PPDPF: variants seen among roughly 807,000 people sequenced by gnomAD.
PPDPF encodes the protein pancreatic progenitor cell differentiation and proliferation factor, also known as exocrine differentiation and proliferation factor.
PPDPF carries 11 observed loss-of-function variants against 6.3 expected under a neutral mutation model. The ratio of observed to expected loss-of-function variants is 1.76; its 90% CI spans 1.11 to 2.91. PPDPF has a LOEUF of 2.91. Ranked by LOEUF, PPDPF falls within the 30% of genes most tolerant of loss-of-function variation. The probability of loss-of-function intolerance (pLI) is 0.00; values close to 1 mark genes in which losing one functional copy is unlikely to be tolerated. For missense variants in PPDPF, 202 were observed against 159.4 expected (o/e 1.27, Z -1.44); for synonymous variants, 86 against 64.5 (o/e 1.33, Z -1.60).
At chr20:63,521,154 CGAAGGCGG>C in intron 1 of PPDPF, 122 bp from the exon 2 acceptor site, 1 of 982,742 alleles carries the variant, frequency 1.0e-6, no homozygotes, top group Non-Finnish European at 1.4e-6. Flanking sequence ...CCCCGCGCGG[CGAAGGCGG>C]TGCCGGGAGC....
intron 1 of PPDPF, 123 bp downstream of exon 1, chr20:63,521,017 G>C: frequency 9.9e-6 from 7 of 703,714 alleles, no homozygotes; most frequent in Non-Finnish European, 1.3e-5. Flanking sequence ...TCCCCGGCGG[G>C]CTCCTCTCGG....
Position 63,521,731 on chromosome 20 carries a change from C to A in PPDPF, c.197C>A (p.Pro66Gln), listed in dbSNP as rs746864601. 2 of 1,613,374 alleles carry A rather than the reference C, an allele frequency of 1.2e-6. No homozygotes were observed. Among genetic ancestry groups the A allele is most frequent in the South Asian group, 2.2e-5 (2 of 91,084 alleles). ...ASFFFGKSTL[P>Q]FMATVLESAE... Reference sequence around the variant, plus strand: ...TTCTTTTTCGGGAAGTCCACCCTCCCGTTCATGGCCACGGTGTTGGAGTCC... The same window carrying A: ...TTCTTTTTCGGGAAGTCCACCCTCCAGTTCATGGCCACGGTGTTGGAGTCC... Residue 66 changes from proline (P) to glutamine (Q), a missense_variant, in exon 4 of 4, where the codon CCG becomes CAG. By Grantham distance (76) the Pro-to-Gln change is moderately conservative. Transcript: ENST00000370179.
intron 1 of PPDPF, 55 bp from the exon 2 acceptor site, chr20:63,521,229 G>A: frequency 6.9e-7 from 1 of 1,440,428 alleles, no homozygotes; most frequent in Non-Finnish European, 9.3e-7. Flanking sequence ...GCTGGGGAGC[G>A]CCCTTCATGA....
At chr20:63,520,755 G>A, upstream of PPDPF, 5 of 984,826 alleles carry the variant, frequency 5.1e-6, no homozygotes, top group Non-Finnish European at 6.0e-6. Flanking sequence ...GGGCGCGTCC[G>A]CGCGTGCGCA....
In PPDPF at chr20:63,521,927, C is replaced by A; in HGVS notation, c.*48C>A. 1 of 1,450,830 alleles carries A rather than the reference C, an allele frequency of 6.9e-7. No homozygotes were observed. Among genetic ancestry groups the A allele is most frequent in the Non-Finnish European group, 9.4e-7 (1 of 1,067,510 alleles). The allele number at this position is 1,450,830 out of a possible 1,614,324, so 89.9% of individuals were successfully genotyped here. A position where few individuals can be genotyped will look rare whatever the true frequency, so the allele number is the denominator to read the frequency against. ...CAGGCCTGCGGAGGCGCTAGTCCAC[C>A]AGAGCCCCTCCCCGCCCCTCTCCCC... is the stretch of plus-strand genomic sequence containing the variant. On this transcript the variant is annotated 3_prime_UTR_variant, in exon 4 of 4. Coordinates refer to ENST00000370179, the MANE Select transcript of PPDPF (RefSeq NM_024299.4).
Position 63,521,449 on chromosome 20 carries a change from C to A in PPDPF, c.56-63C>A, listed in dbSNP as rs985830864. ...GCAGGCTGCGGAACCAGCGCTCGGCCTGAAGGCCGGTGGGCTGGGGGGCTC... is the reference window on the plus strand; with the variant it reads ...GCAGGCTGCGGAACCAGCGCTCGGCATGAAGGCCGGTGGGCTGGGGGGCTC... On this transcript the variant is annotated intron_variant, in intron 2 of 3. Transcript: ENST00000370179. 301 of 1,576,098 alleles carry A rather than the reference C, an allele frequency of 1.9e-4. 2 individuals are homozygous for A. Among genetic ancestry groups the A allele is most frequent in the Middle Eastern group, 5.1e-4 (3 of 5,894 alleles).
chr20:63,520,793 C>A lies in PPDPF; in HGVS notation c.-127C>A, dbSNP rs1393827428. On this transcript the variant is annotated 5_prime_UTR_variant, in exon 1 of 4. Transcript: ENST00000370179. ...CCGCGCGCGCCTCTCTGTCGTGGCGCGGCTTCCCGCGGTCTTCTCTGCAAA... is the reference window on the plus strand; with the variant it reads ...CCGCGCGCGCCTCTCTGTCGTGGCGAGGCTTCCCGCGGTCTTCTCTGCAAA... 2.0e-6 allele frequency: 2 copies of A among 984,666 alleles called. No individual in the cohort carries two copies. The highest frequency in any genetic ancestry group is 2.4e-6 in the Non-Finnish European group (2 of 829,774). 61.0% of individuals were successfully genotyped at this position (984,666 alleles called of 1,614,324 possible).
At position 63,522,074 on chromosome 20, in the gene PPDPF, C is replaced by T. The variant is rs1354903381; in HGVS notation, c.*195C>T. The T allele has an allele frequency of 1.9e-5, 12 of 620,832 alleles. No individual in the cohort carries two copies. The East Asian group carries it at 3.3e-4, about 17-fold the overall frequency. The allele number at this position is 620,832 out of a possible 1,614,324, so 38.5% of individuals were successfully genotyped here. ...CAAAAACCAGTGAGAGCCCCGCTCT[C>T]TACCGCCCGGCCCCAGCACTCGCTA... On this transcript the variant is annotated 3_prime_UTR_variant, in exon 4 of 4. Coordinates refer to ENST00000370179, the MANE Select transcript of PPDPF (RefSeq NM_024299.4).
At chr20:63,521,189 G>A (rs1381488394) in intron 1 of PPDPF, 95 bp from the exon 2 acceptor site, 1 of 1,206,066 alleles carries the variant, frequency 8.3e-7, no homozygotes, top group Admixed American at 3.1e-5. Flanking sequence ...GCCCCGCCTC[G>A]GTAAATAACC....
rs1035438440 is a variant in PPDPF, at chr20:63,520,782, C to G, written c.-138C>G. 4.1e-6 allele frequency: 4 copies of G among 984,830 alleles called. No homozygotes were observed. The South Asian group carries it at 1.4e-4, about 35-fold the overall frequency. 61.0% of individuals were successfully genotyped at this position (984,830 alleles called of 1,614,324 possible). On this transcript the variant is annotated 5_prime_UTR_variant, in exon 1 of 4. Coordinates refer to ENST00000370179, the MANE Select transcript of PPDPF (RefSeq NM_024299.4). ...GCGTGCGCACCCCGCGCGCGCCTCT[C>G]TGTCGTGGCGCGGCTTCCCGCGGTC...
rs151307704 is a variant in PPDPF at position 63,521,147 on chromosome 20, C to G, written c.-25-137C>G. 3.1e-3 allele frequency: 2,982 copies of G among 955,710 alleles called. 52 individuals are homozygous for G. In the African/African-American group the frequency reaches 0.037, roughly 12 times the overall value. The allele number at this position is 955,710 out of a possible 1,614,324, so 59.2% of individuals were successfully genotyped here. A position where few individuals can be genotyped will look rare whatever the true frequency, so the allele number is the denominator to read the frequency against. The stretch of plus-strand genomic sequence containing the variant: ...GGGCTGGTTGGAGCCGCCCGCGCCC[C>G]GCGCGGCGAAGGCGGTGCCGGGAGC... On this transcript the variant is annotated intron_variant, in intron 1 of 3. Transcript: ENST00000370179.
Position 63,522,145 on chromosome 20 carries a change from T to TA in PPDPF, c.*269dup. ...TGTGCACCTGGCACCAAGCGGAAAA[T>TA]AAACTCCAAGCAGCCAGTAGCCCCG... is the stretch of plus-strand genomic sequence containing the variant. On this transcript the variant is annotated 3_prime_UTR_variant, in exon 4 of 4. Coordinates refer to ENST00000370179, the MANE Select transcript of PPDPF (RefSeq NM_024299.4). 1 of 522,848 alleles carries TA rather than the reference T, an allele frequency of 1.9e-6. No homozygotes were observed. The highest frequency in any genetic ancestry group is 3.5e-6 in the Non-Finnish European group (1 of 281,930). The allele number at this position is 522,848 out of a possible 1,614,324, so 32.4% of individuals were successfully genotyped here.
chr20:63,520,938 C>T, intron 1 of PPDPF, 44 bp downstream of exon 1: 1 of 954,754 alleles, frequency 1.0e-6, no homozygotes, highest in Non-Finnish European at 1.3e-6. Flanking sequence ...GCCCGAGGGG[C>T]GGGGGGCGAG....
chr20:63,520,794 G>C lies in PPDPF; in HGVS notation c.-126G>C. On this transcript the variant is annotated 5_prime_UTR_variant, in exon 1 of 4. Coordinates refer to ENST00000370179, the MANE Select transcript of PPDPF (RefSeq NM_024299.4). ...CGCGCGCGCCTCTCTGTCGTGGCGC[G>C]GCTTCCCGCGGTCTTCTCTGCAAAT... 1 of 981,400 alleles carries C rather than the reference G, an allele frequency of 1.0e-6. No individual in the cohort carries two copies. Among genetic ancestry groups the C allele is most frequent in the Non-Finnish European group, 1.2e-6 (1 of 828,956 alleles). The allele number at this position is 981,400 out of a possible 1,614,324, so 60.8% of individuals were successfully genotyped here.
Position 63,522,178 on chromosome 20 carries a change from G to A in PPDPF, c.*299G>A, listed in dbSNP as rs1189157362. The A allele has an allele frequency of 4.2e-6, 2 of 475,258 alleles. No homozygotes were observed. The highest frequency in any genetic ancestry group is 4.0e-5 in the African/African-American group (2 of 50,540). The allele number at this position is 475,258 out of a possible 1,614,324, so 29.4% of individuals were successfully genotyped here. ...AAGCAGCCAGTAGCCCCGATGGTGT[G>A]TGCCTGAGCTGTGTGGCCCGAGGTT... On this transcript the variant is annotated 3_prime_UTR_variant, in exon 4 of 4. Transcript: ENST00000370179.
chr20:63,522,111 A>G lies in PPDPF; in HGVS notation c.*232A>G, dbSNP rs1035924904. 6 of 568,920 alleles carry G rather than the reference A, an allele frequency of 1.1e-5. No individual in the cohort carries two copies. Among genetic ancestry groups the G allele is most frequent in the African/African-American group, 5.7e-5 (3 of 52,398 alleles). 35.2% of individuals were successfully genotyped at this position (568,920 alleles called of 1,614,324 possible). A position where few individuals can be genotyped will look rare whatever the true frequency, so the allele number is the denominator to read the frequency against. On this transcript the variant is annotated 3_prime_UTR_variant, in exon 4 of 4. Transcript: ENST00000370179. ...CCCAGCACTCGCTAGCTTTCCTGAC[A>G]CCTGGAACTGTGCACCTGGCACCAA...
chr20:63,521,449 C>T, intron 2 of PPDPF, 63 bp from the exon 3 acceptor site: 4 of 1,576,218 alleles, frequency 2.5e-6, no homozygotes, highest in African/African-American at 1.4e-5. Flanking sequence ...AGCGCTCGGC[C>T]TGAAGGCCGG....
At position 63,521,597 on chromosome 20, in the gene PPDPF, C is replaced by T. The variant is rs576253081; in HGVS notation, c.133+8C>T. On this transcript the variant is annotated splice_region_variant and intron_variant, in intron 3 of 3. Coordinates refer to ENST00000370179, the MANE Select transcript of PPDPF (RefSeq NM_024299.4). ...CCATTCCCCACCCCCCAGGTGAGTG[C>T]AGGATCGCCCCTTTCTCCCCCCGCT... The T allele has an allele frequency of 1.2e-6, 2 of 1,611,676 alleles. No individual in the cohort carries two copies. The highest frequency in any genetic ancestry group is 2.2e-5 in the East Asian group (1 of 44,854).
rs763680354 is a variant in PPDPF, at chr20:63,521,405, G to T, written c.55+42G>T. The T allele has an allele frequency of 5.6e-6, 9 of 1,599,760 alleles. 1 individual carries two copies. Among genetic ancestry groups the T allele is most frequent in the Non-Finnish European group, 7.7e-6 (9 of 1,171,250 alleles). On this transcript the variant is annotated intron_variant, in intron 2 of 3. Transcript: ENST00000370179. The stretch of plus-strand genomic sequence containing the variant: ...CCCCATCCACGCGGATGCTCTGCTG[G>T]CGCCAGTGCCGGCCCCGTGCAGGCT...
Sources: allele counts gnomAD v4.1 joint callset, GRCh38; gene constraint gnomAD v4.1.1; transcripts MANE v1.5; gene names NCBI Gene and HGNC (gene_info 2026-07-23, HGNC 2026-07-21).